MYH10: variants seen among roughly 807,000 people sequenced by gnomAD.
The protein encoded by MYH10 is myosin heavy chain 10.
MYH10 carries 55 observed loss-of-function variants against 257.8 expected under a neutral mutation model. The ratio of observed to expected loss-of-function variants is 0.21; its 90% CI spans 0.17 to 0.27. MYH10 has a LOEUF of 0.27. Ranked by LOEUF, MYH10 falls within the 10% of genes least tolerant of loss-of-function variation. The probability of loss-of-function intolerance (pLI) is 1.00; values close to 1 mark genes in which losing one functional copy is unlikely to be tolerated. For missense variants in MYH10, 1,631 were observed against 2,500.6 expected (o/e 0.65, Z 7.42); for synonymous variants, 854 against 921.7 (o/e 0.93, Z 1.33).
At position 8,490,430 on chromosome 17, in the gene MYH10, G is replaced by A. The variant is rs761903590; in HGVS notation, c.4794C>T (p.Val1598=). The A allele has an allele frequency of 9.3e-6, 15 of 1,614,002 alleles. No individual in the cohort carries two copies. The Admixed American group carries it at 2.3e-4, about 25-fold the overall frequency. Residue 1598 remains valine, a synonymous_variant, in exon 35 of 43, where the codon GTC becomes GTT. Coordinates refer to ENST00000360416, the MANE Select transcript of MYH10 (RefSeq NM_001256012.3). The surrounding 1 kb of genome is among the most constrained non-coding windows in gnomAD (Gnocchi z 4.1). ...ATEDAKLRLE[V]NMQAMKAQFE... is the part of the protein sequence containing the mutation. ...ACTGCGCCTTCATGGCCTGCATGTT[G>A]ACCTCCAGACGAAGCTTGGCATCTT... is the stretch of plus-strand genomic sequence containing the variant.
In MYH10 at chr17:8,592,970, T is replaced by TATATAA. The variant is rs1567953268; in HGVS notation, c.503-3863_503-3862insTTATAT. On this transcript the variant is annotated intron_variant, in intron 3 of 42. Coordinates refer to ENST00000360416, the MANE Select transcript of MYH10 (RefSeq NM_001256012.3). ...ATATATATATATATATATATATATA[T>TATATAA]AAAAGATGATGCACAGAAAGAACAA... Among the ~76,000 whole-genome samples, 31 of 121,958 alleles carry TATATAA rather than the reference T, an allele frequency of 2.5e-4. 2 individuals carry two copies. Among genetic ancestry groups the TATATAA allele is most frequent in the Non-Finnish European group, 4.4e-4 (25 of 57,256 alleles). The allele number at this position is 121,958 out of a possible 152,430, so 80.0% of individuals were successfully genotyped here. A position where few individuals can be genotyped will look rare whatever the true frequency, so the allele number is the denominator to read the frequency against.
intron 21 of MYH10, among the ~76,000 whole-genome samples, chr17:8,515,273 T>A (rs904894842): frequency 2.6e-5 from 4 of 152,186 alleles, no homozygotes; most frequent in African/African-American, 9.7e-5. Flanking sequence ...AAAAACATTT[T>A]GAATTATTCA....
At chr17:8,610,367 T>C (rs1434795516) in intron 2 of MYH10, among the ~76,000 whole-genome samples, 1 of 139,764 alleles carries the variant, frequency 7.2e-6, no homozygotes, top group Non-Finnish European at 1.5e-5. Flanking sequence ...GGTGGGAAGA[T>C]CACTTGAGCT....
rs1454848446 is a variant in MYH10 at position 8,504,500 on chromosome 17, A to C, written c.3599+194T>G. Among the ~76,000 whole-genome samples the C allele has an allele frequency of 6.6e-6, 1 of 151,954 alleles. No individual in the cohort carries two copies. Among genetic ancestry groups the C allele is most frequent in the Non-Finnish European group, 1.5e-5 (1 of 67,978 alleles). ...TGTCCCTCAGTCTGCTGGTTTACCC[A>C]CCCACCCCTGCACAGGTATTTCTAC... On this transcript the variant is annotated intron_variant, in intron 28 of 42. Coordinates refer to ENST00000360416, the MANE Select transcript of MYH10 (RefSeq NM_001256012.3). This position sits in a 1 kb window ranked among gnomAD's most constrained non-coding sequence, Gnocchi z 5.6.
intron 7 of MYH10, among the ~76,000 whole-genome samples, chr17:8,568,125 GATAA>G (rs2083221604): frequency 2.0e-5 from 3 of 152,126 alleles, no homozygotes; most frequent in Admixed American, 2.0e-4. Flanking sequence ...TGGCTCTCCA[GATAA>G]ACCTGCTTTT....
At chr17:8,597,176 G>A (rs2084406114) in intron 3 of MYH10, among the ~76,000 whole-genome samples, 1 of 152,070 alleles carries the variant, frequency 6.6e-6, no homozygotes, top group Non-Finnish European at 1.5e-5. Context: ...TGTAATCATA[G>A]GATAATAATT....
chr17:8,577,690 C>A (rs531484483), intron 4 of MYH10, among the ~76,000 whole-genome samples: 112 of 152,148 alleles, frequency 7.4e-4, no homozygotes, highest in Non-Finnish European at 1.2e-3. Flanking sequence ...CACCACCATG[C>A]CCGGCTAATT....
chr17:8,565,833 T>G (rs1261851286), intron 7 of MYH10, among the ~76,000 whole-genome samples: 2 of 152,248 alleles, frequency 1.3e-5, no homozygotes, highest in African/African-American at 4.8e-5. Flanking sequence ...TAAAATAGGT[T>G]TCTATCAGAC....
At chr17:8,487,209 CAGG>C (rs1914973768) in intron 36 of MYH10, among the ~76,000 whole-genome samples, 1 of 152,234 alleles carries the variant, frequency 6.6e-6, no homozygotes, top group African/African-American at 2.4e-5. Flanking sequence ...CTCAGGGCCA[CAGG>C]AGGCCAGCAT....
chr17:8,539,554 A>G lies in MYH10; in HGVS notation c.1605+2553T>C, dbSNP rs146109376. ...ATCTCATATCCCCATGGCACCCCCAATCTGCATTTCCAGGCCATAATTGAG... is the reference window on the plus strand; with the variant it reads ...ATCTCATATCCCCATGGCACCCCCAGTCTGCATTTCCAGGCCATAATTGAG... On this transcript the variant is annotated intron_variant, in intron 14 of 42. Coordinates refer to ENST00000360416, the MANE Select transcript of MYH10 (RefSeq NM_001256012.3). Among the ~76,000 whole-genome samples, 205 of 152,066 alleles carry G rather than the reference A, an allele frequency of 1.3e-3. 1 individual carries two copies. Among genetic ancestry groups the G allele is most frequent in the East Asian group, 3.9e-3 (20 of 5,184 alleles).
intron 4 of MYH10, among the ~76,000 whole-genome samples, chr17:8,587,287 G>A (rs1293875791): frequency 6.6e-6 from 1 of 152,140 alleles, no homozygotes; most frequent in Admixed American, 6.5e-5. Context: ...GTAGAACCGT[G>A]CTGATTTGAG....
Position 8,504,623 on chromosome 17 carries a change from C to CA in MYH10, c.3599+70dup. Reference sequence around the variant, plus strand: ...CACCTCCCAAAGATAGCAAGCACACCAGGCATTTCTGCACGGGCTCGGTGG... The same window carrying CA: ...CACCTCCCAAAGATAGCAAGCACACCAAGGCATTTCTGCACGGGCTCGGTGG... On this transcript the variant is annotated intron_variant, in intron 28 of 42. Transcript: ENST00000360416. This position sits in a 1 kb window ranked among gnomAD's most constrained non-coding sequence, Gnocchi z 5.6. 7.4e-7 allele frequency: 1 copy of CA among 1,345,404 alleles called. No homozygotes were observed. The highest frequency in any genetic ancestry group is 1.5e-5 in the African/African-American group (1 of 68,700). 83.3% of individuals were successfully genotyped at this position (1,345,404 alleles called of 1,614,324 possible).
At chr17:8,585,412 C>A (rs1030761346) in intron 4 of MYH10, among the ~76,000 whole-genome samples, 8 of 150,584 alleles carry the variant, frequency 5.3e-5, no homozygotes, top group Non-Finnish European at 1.0e-4. Flanking sequence ...GAGTGACTGC[C>A]CCTAAATAGT....
At position 8,546,522 on chromosome 17, in the gene MYH10, T is replaced by C. The variant is rs773125870; in HGVS notation, c.1278+22A>G. The stretch of plus-strand genomic sequence containing the variant: ...GCTTATCATTCAAACAAATCAGTAA[T>C]AACAATGAACATGAAACCTACCTGT... On this transcript the variant is annotated intron_variant, in intron 12 of 42. Transcript: ENST00000360416. 7.6e-6 allele frequency: 12 copies of C among 1,581,354 alleles called. No homozygotes were observed. In the Admixed American group the frequency reaches 8.4e-5, roughly 11 times the overall value.
In MYH10 at chr17:8,592,946, T is replaced by C. The variant is rs1477026178; in HGVS notation, c.503-3838A>G. ...AATCAAATCCAGCTATATATATATA[T>C]ATATATATATATATATATATATATA... On this transcript the variant is annotated intron_variant, in intron 3 of 42. Transcript: ENST00000360416. Among the ~76,000 whole-genome samples, 492 of 103,538 alleles carry C rather than the reference T, an allele frequency of 4.8e-3. 68 individuals are homozygous for C. Among genetic ancestry groups the C allele is most frequent in the South Asian group, 7.6e-3 (23 of 3,024 alleles). 67.9% of individuals were successfully genotyped at this position (103,538 alleles called of 152,430 possible). A position where few individuals can be genotyped will look rare whatever the true frequency, so the allele number is the denominator to read the frequency against.
Position 8,506,845 on chromosome 17 carries a change from C to T in MYH10, c.3215-356G>A, listed in dbSNP as rs1034871146. ...CAAAGTGGCTCAGCAGGTGCTGGGG[C>T]AGCAATCGTAGCTGCCTGTCACCCC... On this transcript the variant is annotated intron_variant, in intron 26 of 42. Transcript: ENST00000360416. This position sits in a 1 kb window ranked among gnomAD's most constrained non-coding sequence, Gnocchi z 5.0. Among the ~76,000 whole-genome samples, 1 of 152,176 alleles carries T rather than the reference C, an allele frequency of 6.6e-6. No homozygotes were observed. Among genetic ancestry groups the T allele is most frequent in the Non-Finnish European group, 1.5e-5 (1 of 68,034 alleles).
chr17:8,492,766 G>A lies in MYH10; in HGVS notation c.4458+10C>T, dbSNP rs1426431956. On this transcript the variant is annotated intron_variant, in intron 33 of 42. Coordinates refer to ENST00000360416, the MANE Select transcript of MYH10 (RefSeq NM_001256012.3). ...CTCTGCCAGGAGGAAACGACACGTG[G>A]CCGACCCACCTGGTCAAACTTCTTC... The A allele has an allele frequency of 6.2e-7, 1 of 1,611,974 alleles. No homozygotes were observed. The highest frequency in any genetic ancestry group is 1.1e-5 in the South Asian group (1 of 90,920).
intron 29 of MYH10, among the ~76,000 whole-genome samples, 199 bp from the exon 30 acceptor site, chr17:8,499,675 C>T (rs1410926153): frequency 6.6e-6 from 1 of 152,182 alleles, no homozygotes; most frequent in African/African-American, 2.4e-5. Flanking sequence ...ACACACTGCT[C>T]CGAGGAGCAG....
intron 37 of MYH10, among the ~76,000 whole-genome samples, chr17:8,483,770 G>A: frequency 6.6e-6 from 1 of 152,208 alleles, no homozygotes; most frequent in East Asian, 1.9e-4. Context: ...TAGTGCTTCT[G>A]TGTAAAAACA....
Sources: allele counts gnomAD v4.1 joint callset (sites outside exome capture counted in the v4.1 genomes callset), GRCh38; gene constraint gnomAD v4.1.1; non-coding constraint Gnocchi (gnomAD v3.1); transcripts MANE v1.5; gene names NCBI Gene and HGNC (gene_info 2026-07-23, HGNC 2026-07-21).